CAPN13: variants seen among roughly 807,000 people sequenced by gnomAD.
CAPN13 encodes the protein calpain 13, also known as calpain-13.
A neutral mutation model predicts 98.4 loss-of-function variants in CAPN13; 90 were observed. That is an observed-to-expected ratio of 0.92 (90% confidence interval 0.77 to 1.09). The LOEUF is 1.09. Among genes scored for constraint, CAPN13 ranks in the 50% least tolerant of loss-of-function variants. The probability of loss-of-function intolerance (pLI) is 0.00; values close to 1 mark genes in which losing one functional copy is unlikely to be tolerated. For missense variants in CAPN13, 887 were observed against 841.3 expected (o/e 1.05, Z -0.67); for synonymous variants, 330 against 305.5 (o/e 1.08, Z -0.84).
At chr2:30,745,577 A>C in intron 12 of CAPN13, 146 bp downstream of exon 12, 1 of 725,784 alleles carries the variant, frequency 1.4e-6, no homozygotes. Flanking sequence ...CTGTTTGGGG[A>C]TTCTAGGCCT....
At position 30,753,429 on chromosome 2, in the gene CAPN13, T is replaced by C. The variant is rs1041730169; in HGVS notation, c.942-231A>G. ...GTCTGCCGGTCACCTGGCAGCAGCT[T>C]TATCATTTACTGCCATCTCCTTAAC... On this transcript the variant is annotated intron_variant, in intron 9 of 22. Transcript: ENST00000295055. Among the ~76,000 whole-genome samples the C allele has an allele frequency of 3.3e-5, 5 of 152,154 alleles. 1 individual carries two copies. Among genetic ancestry groups the C allele is most frequent in the Non-Finnish European group, 7.4e-5 (5 of 68,008 alleles).
intron 1 of CAPN13, among the ~76,000 whole-genome samples, chr2:30,800,934 C>T (rs1312333131): frequency 1.3e-5 from 2 of 152,198 alleles, no homozygotes; most frequent in Admixed American, 1.3e-4. Context: ...AATATTTAAT[C>T]TGTGCTCAGA....
rs1193977764 is a variant in CAPN13, at chr2:30,734,433, A to G, written c.1798+16T>C. 2 of 1,610,684 alleles carry G rather than the reference A, an allele frequency of 1.2e-6. No individual in the cohort carries two copies. Among genetic ancestry groups the G allele is most frequent in the Non-Finnish European group, 1.7e-6 (2 of 1,177,418 alleles). On this transcript the variant is annotated intron_variant, in intron 19 of 22. Transcript: ENST00000295055. ...CCCGGACCTTGGGCACCACAGCTCCAAAGTCCCCATTGTACCTGTATTCTC... is the reference window on the plus strand; with the variant it reads ...CCCGGACCTTGGGCACCACAGCTCCGAAGTCCCCATTGTACCTGTATTCTC...
In CAPN13 at chr2:30,731,338, C is replaced by A. The variant is rs1671082131; in HGVS notation, c.1983+6G>T. Reference sequence around the variant, plus strand: ...TGCCTGCCCCGGGGAGGGGAAGGTACCTCACCTCCATTTCTGTCAGGTAGA... The same window carrying A: ...TGCCTGCCCCGGGGAGGGGAAGGTAACTCACCTCCATTTCTGTCAGGTAGA... On this transcript the variant is annotated splice_donor_region_variant and intron_variant, in intron 21 of 22. Transcript: ENST00000295055. The A allele has an allele frequency of 2.5e-6, 4 of 1,608,234 alleles. No homozygotes were observed. Among genetic ancestry groups the A allele is most frequent in the Non-Finnish European group, 3.4e-6 (4 of 1,177,282 alleles).
At chr2:30,743,675 A>G (rs1487526270) in intron 12 of CAPN13, 96 bp from the exon 13 acceptor site, 2 of 1,026,508 alleles carry the variant, frequency 1.9e-6, no homozygotes, top group Admixed American at 1.9e-5. Flanking sequence ...GACCGTCTCC[A>G]TTCACCAAGA....
Position 30,770,335 on chromosome 2 carries a change from G to A in CAPN13, c.502C>T (p.Leu168=). The A allele has an allele frequency of 6.2e-7, 1 of 1,614,000 alleles. No homozygotes were observed. The highest frequency in any genetic ancestry group is 8.5e-7 in the Non-Finnish European group (1 of 1,179,850). Residue 168 remains leucine (L), a synonymous_variant, in exon 5 of 23, where the codon CTG becomes TTG. Coordinates refer to ENST00000295055, the MANE Select transcript of CAPN13 (RefSeq NM_144575.3). ...TACTTGGCATAGGCCTTCTCCAGCA[G>A]GCAGGGCCAGAACTCTTGGTTTTGG... ...RHQNQEFWPC[L]LEKAYAKLLG...
intron 5 of CAPN13, among the ~76,000 whole-genome samples, chr2:30,768,508 G>A (rs774106959): frequency 2.0e-4 from 30 of 152,296 alleles, no homozygotes; most frequent in South Asian, 4.1e-4. Flanking sequence ...CAACGCCAGA[G>A]CCTTGCTCCA....
intron 5 of CAPN13, among the ~76,000 whole-genome samples, chr2:30,769,329 C>T (rs893611155): frequency 2.6e-5 from 4 of 152,108 alleles, no homozygotes; most frequent in Non-Finnish European, 4.4e-5. Context: ...CACTCCCTCC[C>T]GTGCTGTTGG....
intron 5 of CAPN13, among the ~76,000 whole-genome samples, chr2:30,767,024 C>T (rs1485036462): frequency 6.6e-6 from 1 of 152,174 alleles, no homozygotes; most frequent in African/African-American, 2.4e-5. Context: ...CGCTGAGCTC[C>T]ACAAGCAGCA....
At chr2:30,790,009 G>T (rs112998187) in intron 1 of CAPN13, among the ~76,000 whole-genome samples, 14 of 152,188 alleles carry the variant, frequency 9.2e-5, no homozygotes, top group Non-Finnish European at 1.9e-4. Flanking sequence ...CTGCTGCTGC[G>T]GAGGTGGGCT....
chr2:30,771,877 T>A (rs1488412793), intron 4 of CAPN13, among the ~76,000 whole-genome samples: 1 of 152,116 alleles, frequency 6.6e-6, no homozygotes, highest in Non-Finnish European at 1.5e-5. Flanking sequence ...TAGGATTAGA[T>A]GAGATCACAA....
chr2:30,758,831 C>G (rs1231847474), intron 7 of CAPN13, among the ~76,000 whole-genome samples: 1 of 116,784 alleles, frequency 8.6e-6, no homozygotes, highest in Non-Finnish European at 1.9e-5. Flanking sequence ...CTTCCTTCCT[C>G]CCTTCCTTCT....
At chr2:30,752,690 C>G (rs967877945) in intron 10 of CAPN13, among the ~76,000 whole-genome samples, 1 of 152,218 alleles carries the variant, frequency 6.6e-6, no homozygotes, top group African/African-American at 2.4e-5. Context: ...AGACAAGGGT[C>G]CAACCTAGGC....
At chr2:30,727,130 T>C (rs551790265) in intron 22 of CAPN13, among the ~76,000 whole-genome samples, 13 of 152,112 alleles carry the variant, frequency 8.5e-5, no homozygotes, top group African/African-American at 2.9e-4. Flanking sequence ...GACAAATGAA[T>C]GAATGCAAAA....
chr2:30,784,333 C>A (rs1319486794), intron 2 of CAPN13, among the ~76,000 whole-genome samples: 1 of 152,156 alleles, frequency 6.6e-6, no homozygotes, highest in Non-Finnish European at 1.5e-5. Context: ...TGTGAAAACC[C>A]AAGAATCCCA....
chr2:30,768,916 T>C (rs2148033724), intron 5 of CAPN13, among the ~76,000 whole-genome samples: 1 of 152,128 alleles, frequency 6.6e-6, no homozygotes, highest in East Asian at 2.0e-4. Context: ...TTTGCCAGGA[T>C]GTGGGGATCC....
intron 1 of CAPN13, among the ~76,000 whole-genome samples, chr2:30,801,992 C>T (rs542181348): frequency 9.9e-5 from 15 of 152,220 alleles, no homozygotes; most frequent in African/African-American, 2.2e-4. Context: ...CCGCCCCCTG[C>T]GCTGCGTCTA....
rs1673328207 is a variant in CAPN13, at chr2:30,770,212, G to C, written c.524+101C>G. 1.0e-5 allele frequency: 15 copies of C among 1,484,766 alleles called. No homozygotes were observed. The South Asian group carries it at 2.0e-4, about 20-fold the overall frequency. The allele number at this position is 1,484,766 out of a possible 1,614,324, so 92.0% of individuals were successfully genotyped here. On this transcript the variant is annotated intron_variant, in intron 5 of 22. Transcript: ENST00000295055. ...GATTGTTTATGGAGATGCCCAGCCA[G>C]GTGGCAAAGGCTGCAATGCTCCAAC...
At position 30,732,468 on chromosome 2, in the gene CAPN13, A is replaced by G; in HGVS notation, c.1897T>C (p.Cys633Arg). The change falls in exon 20 of 23, where the codon TGC (cysteine) becomes CGC (arginine). Residue 633 changes from cysteine to arginine, a missense_variant. Coordinates refer to ENST00000295055, the MANE Select transcript of CAPN13 (RefSeq NM_144575.3). Reference sequence around the variant, plus strand: ...ATGGCTTCAAGCCGCATCAGGAAGCAGACCAGGCTGGGGAAGCTGACCCTG... The same window carrying G: ...ATGGCTTCAAGCCGCATCAGGAAGCGGACCAGGCTGGGGAAGCTGACCCTG... ...VGRVSFPSLVCFLMRLEAMAK... is the reference protein window; with the variant it reads ...VGRVSFPSLVRFLMRLEAMAK... The G allele has an allele frequency of 1.9e-6, 3 of 1,613,706 alleles. No individual in the cohort carries two copies. The highest frequency in any genetic ancestry group is 2.5e-6 in the Non-Finnish European group (3 of 1,179,804).
Sources: allele counts gnomAD v4.1 joint callset (sites outside exome capture counted in the v4.1 genomes callset), GRCh38; gene constraint gnomAD v4.1.1; transcripts MANE v1.5; gene names NCBI Gene and HGNC (gene_info 2026-07-23, HGNC 2026-07-21).